Variants in APTX observed in about 807,000 individuals in gnomAD.
The protein encoded by APTX is forkhead-associated domain histidine triad-like protein.
A neutral mutation model predicts 42.3 loss-of-function variants in APTX; 33 were observed. The ratio of observed to expected loss-of-function variants is 0.78; its 90% CI spans 0.59 to 1.04. APTX has a LOEUF of 1.04. APTX is among the 50% of genes least tolerant of loss of function. The pLI, the probability that APTX is intolerant of heterozygous loss-of-function variation, is 0.00. For missense variants in APTX, 421 were observed against 415.1 expected, an observed-to-expected ratio of 1.01 and a Z score of -0.12; for synonymous variants, 130 against 146.7, an observed-to-expected ratio of 0.89 and a Z score of 0.82.
chr9:33,004,497 C>T (rs10971294), upstream of APTX, among the ~76,000 whole-genome samples: 10,730 of 152,198 alleles, frequency 0.071, 513 homozygotes, highest in Non-Finnish European at 0.11. Context: ...AGAAGTGAAA[C>T]TGCTGGATTA....
At chr9:32,992,665 T>G (rs10971280) in intron 1 of APTX, among the ~76,000 whole-genome samples, 10,732 of 152,262 alleles carry the variant, frequency 0.07, 512 homozygotes, top group Non-Finnish European at 0.11. Context: ...AGGAGACAAC[T>G]GCCAGGTTTT....
chr9:33,003,678 C>T (rs557561239), upstream of APTX, among the ~76,000 whole-genome samples: 90 of 152,130 alleles, frequency 5.9e-4, no homozygotes, highest in Admixed American at 2.2e-3. Flanking sequence ...TTTTCCCTCC[C>T]CCACCTGGCA....
chr9:32,981,819 GAA>G (rs1202613722), intron 6 of APTX, among the ~76,000 whole-genome samples: 1 of 152,042 alleles, frequency 6.6e-6, no homozygotes, highest in African/African-American at 2.4e-5. Flanking sequence ...CTTTCACACA[GAA>G]TAATTTCAAC....
intron 4 of APTX, 111 bp downstream of exon 4, chr9:32,987,433 C>A: frequency 1.4e-6 from 2 of 1,388,610 alleles, no homozygotes; most frequent in Non-Finnish European, 1.0e-6. Context: ...ACTCTTTCAT[C>A]ATGGTTAATA....
intron 1 of APTX, among the ~76,000 whole-genome samples, chr9:32,995,817 G>A (rs926447565): frequency 1.3e-5 from 2 of 151,832 alleles, no homozygotes; most frequent in Non-Finnish European, 2.9e-5. Context: ...GAATCCGGGA[G>A]GCGGAGCTTG....
intron 1 of APTX, among the ~76,000 whole-genome samples, chr9:33,017,069 G>A (rs1320561711): frequency 6.6e-6 from 1 of 152,194 alleles, no homozygotes; most frequent in African/African-American, 2.4e-5. Flanking sequence ...TGTTGGGGGT[G>A]GAGGGGCTTC....
At chr9:32,988,945 C>T (rs1455933124) in intron 2 of APTX, among the ~76,000 whole-genome samples, 1 of 152,138 alleles carries the variant, frequency 6.6e-6, no homozygotes, top group African/African-American at 2.4e-5. Context: ...ATTAAGCATT[C>T]CTGTTCTGAT....
chr9:33,011,790 T>A (rs1837562226), intron 1 of APTX, among the ~76,000 whole-genome samples: 1 of 152,216 alleles, frequency 6.6e-6, no homozygotes, highest in Non-Finnish European at 1.5e-5. Context: ...TTCAGTCTAC[T>A]GAGGACAGCT....
chr9:32,977,632 A>C (rs1483850912), intron 6 of APTX, among the ~76,000 whole-genome samples: 1 of 152,146 alleles, frequency 6.6e-6, no homozygotes, highest in Non-Finnish European at 1.5e-5. Flanking sequence ...GGAGTTCAAG[A>C]CCAGCCTGGC....
At chr9:32,982,052 A>G (rs1830798941) in intron 6 of APTX, among the ~76,000 whole-genome samples, 1 of 152,180 alleles carries the variant, frequency 6.6e-6, no homozygotes, top group Non-Finnish European at 1.5e-5. Flanking sequence ...ACCTTAACAA[A>G]ATGATCAAGG....
chr9:33,023,438 G>A (rs1303583025), intron 1 of APTX, among the ~76,000 whole-genome samples: 1 of 151,896 alleles, frequency 6.6e-6, no homozygotes, highest in Non-Finnish European at 1.5e-5. Flanking sequence ...TGGCCAGGCT[G>A]GTCTAGAACT....
At chr9:32,975,911 G>T (rs1018895325) in intron 6 of APTX, among the ~76,000 whole-genome samples, 1 of 152,126 alleles carries the variant, frequency 6.6e-6, no homozygotes, top group Non-Finnish European at 1.5e-5. Context: ...ATATACTGAG[G>T]TCTTTCCATG....
chr9:32,986,052 A>AT, intron 4 of APTX, 22 bp from the exon 5 acceptor site: 1 of 670,764 alleles, frequency 1.5e-6, no homozygotes, highest in Non-Finnish European at 2.2e-6. Flanking sequence ...ACAAAAAAAA[A>AT]AACAAAAAAA....
At chr9:32,986,053 A>AC in intron 4 of APTX, 23 bp from the exon 5 acceptor site, 2 of 672,340 alleles carry the variant, frequency 3.0e-6, no homozygotes, top group South Asian at 1.8e-5. Context: ...CAAAAAAAAA[A>AC]ACAAAAAAAA....
At chr9:32,983,295 A>G (rs1050199923) in intron 6 of APTX, among the ~76,000 whole-genome samples, 6 of 152,216 alleles carry the variant, frequency 3.9e-5, no homozygotes, top group African/African-American at 1.4e-4. Context: ...GATTCCATTT[A>G]TACATGGTAG....
chr9:32,989,316 C>A (rs1832979664), intron 2 of APTX, among the ~76,000 whole-genome samples: 1 of 152,158 alleles, frequency 6.6e-6, no homozygotes, highest in Admixed American at 6.5e-5. Context: ...AGGGCAAGGA[C>A]TTTCATGTTA....
intron 5 of APTX, among the ~76,000 whole-genome samples, chr9:32,985,160 A>G (rs1318024256): frequency 6.6e-6 from 1 of 152,190 alleles, no homozygotes; most frequent in Non-Finnish European, 1.5e-5. Flanking sequence ...CAAGAATGTG[A>G]TGTAAAATCT....
Position 32,987,620 on chromosome 9 carries a change from G to GTCC in APTX, c.404_406dup (p.Gly135_Thr136insArg). The GTCC allele has an allele frequency of 3.1e-6, 5 of 1,614,144 alleles. No individual in the cohort carries two copies. Among genetic ancestry groups the GTCC allele is most frequent in the Non-Finnish European group, 4.2e-6 (5 of 1,180,032 alleles). ...AGAGTTGCTCCCAGGTTCCAGCCCT[G>GTCC]TCCCAGCCTCAGCTTCCTGAGCAGC... On this transcript the variant is annotated inframe_insertion, in exon 4 of 8. Transcript: ENST00000379817.
chr9:33,016,901 C>T (rs867815887), intron 1 of APTX, among the ~76,000 whole-genome samples: 2 of 152,170 alleles, frequency 1.3e-5, no homozygotes, highest in African/African-American at 4.8e-5. Context: ...GTACCTGGCA[C>T]AAATTCTGGC....
Sources: allele counts gnomAD v4.1 joint callset (sites outside exome capture counted in the v4.1 genomes callset), GRCh38; gene constraint gnomAD v4.1.1; transcripts MANE v1.5; gene names NCBI Gene and HGNC (gene_info 2026-07-23, HGNC 2026-07-21).